The following WDR47 variants were observed in gnomAD, a reference collection of about 807,000 sequenced individuals.
WDR47 encodes the protein WD repeat domain 47.
WDR47 carries 32 observed loss-of-function variants against 97.2 expected under a neutral mutation model. That is an observed-to-expected ratio of 0.33 (90% CI 0.25 to 0.44). WDR47 has a LOEUF of 0.44. Ranked by LOEUF, WDR47 falls within the 20% of genes least tolerant of loss-of-function variation. The probability of loss-of-function intolerance (pLI) is 1.00; values close to 1 mark genes in which losing one functional copy is unlikely to be tolerated. For missense variants in WDR47, 782 were observed against 1,102.3 expected (o/e 0.71, Z 4.11); for synonymous variants, 375 against 373.5 (o/e 1.00, Z -0.05).
At chr1:109,027,093 G>A (rs1263378174) in intron 1 of WDR47, among the ~76,000 whole-genome samples, 1 of 151,570 alleles carries the variant, frequency 6.6e-6, no homozygotes, top group Non-Finnish European at 1.5e-5. Flanking sequence ...GTCTCCCTCT[G>A]TTGCCCGGGC....
rs918605503 is a variant in WDR47 at position 109,017,749 on chromosome 1, A to G, written c.159-148T>C. ...TTGATTCCTCAAATAAATTTTTCAT[A>G]ATTTTTTTTTTTTTTGAGACAGAGT... On this transcript the variant is annotated intron_variant, in intron 2 of 14. Coordinates refer to ENST00000369962, the MANE Select transcript of WDR47 (RefSeq NM_001142551.2). 1.2e-4 allele frequency: 67 copies of G among 556,454 alleles called. 1 individual carries two copies. In the South Asian group the frequency reaches 1.5e-3, roughly 12 times the overall value. 34.5% of individuals were successfully genotyped at this position (556,454 alleles called of 1,614,324 possible). A position where few individuals can be genotyped will look rare whatever the true frequency, so the allele number is the denominator to read the frequency against.
chr1:109,000,183 C>T (rs181977010), intron 7 of WDR47, among the ~76,000 whole-genome samples: 1 of 152,006 alleles, frequency 6.6e-6, no homozygotes, highest in Non-Finnish European at 1.5e-5. Context: ...TGCACTCCAG[C>T]CTAACATGAC....
intron 7 of WDR47, among the ~76,000 whole-genome samples, chr1:108,997,623 G>A (rs1327614602): frequency 2.6e-5 from 4 of 151,652 alleles, no homozygotes; most frequent in African/African-American, 9.7e-5. Flanking sequence ...AGCCAGGCGT[G>A]GTGGTGGGCG....
chr1:109,019,331 C>G lies in WDR47; in HGVS notation c.159-1730G>C, dbSNP rs753698929. Among the ~76,000 whole-genome samples, 4 of 146,414 alleles carry G rather than the reference C, an allele frequency of 2.7e-5. No homozygotes were observed. In the East Asian group the frequency reaches 8.0e-4, roughly 29 times the overall value. On this transcript the variant is annotated intron_variant, in intron 2 of 14. Transcript: ENST00000369962. ...ACCTACAAGGCACGTTACAGTGAGC[C>G]GAAGTCACGCCACTGCAGTCCAGCC...
intron 4 of WDR47, among the ~76,000 whole-genome samples, chr1:109,012,572 C>CAAAAAAAAAAAAAA (rs57237933): frequency 9.6e-4 from 71 of 73,828 alleles, no homozygotes; most frequent in African/African-American, 2.0e-3. Context: ...GACTCCATCT[C>CAAAAAAAAAAAAAA]AAAAAAAAAA....
chr1:109,035,403 C>A (rs1344347771), intron 1 of WDR47, among the ~76,000 whole-genome samples: 1 of 152,002 alleles, frequency 6.6e-6, no homozygotes, highest in Non-Finnish European at 1.5e-5. Flanking sequence ...TTATTTTTTA[C>A]TCTTTGCAGT....
At chr1:109,038,228 T>A (rs2102065084) in intron 1 of WDR47, among the ~76,000 whole-genome samples, 1 of 152,312 alleles carries the variant, frequency 6.6e-6, no homozygotes, top group East Asian at 1.9e-4. Context: ...TGGTGCTCAA[T>A]AAATGTAAAT....
chr1:108,978,396 G>A (rs1031480367), intron 13 of WDR47, among the ~76,000 whole-genome samples: 14 of 151,572 alleles, frequency 9.2e-5, no homozygotes, highest in Non-Finnish European at 1.3e-4. Flanking sequence ...GGAGAATGGC[G>A]TGAACCCGGG....
chr1:108,989,830 G>T (rs533339113), intron 9 of WDR47, among the ~76,000 whole-genome samples: 123 of 151,760 alleles, frequency 8.1e-4, no homozygotes, highest in Non-Finnish European at 1.1e-3. Context: ...AAGTAGCTGG[G>T]ATTACAGGCA....
At chr1:109,029,354 C>T (rs1459592067) in intron 1 of WDR47, among the ~76,000 whole-genome samples, 5 of 151,622 alleles carry the variant, frequency 3.3e-5, no homozygotes, top group Admixed American at 3.3e-4. Flanking sequence ...GAAACCCCGT[C>T]TCTACTAAAA....
At chr1:108,995,868 A>T (rs768232141) in intron 7 of WDR47, 31 bp from the exon 8 acceptor site, 21 of 1,598,032 alleles carry the variant, frequency 1.3e-5, no homozygotes, top group Non-Finnish European at 1.8e-5. Flanking sequence ...ATCATTTTAA[A>T]ATAAAAACTT....
intron 5 of WDR47, among the ~76,000 whole-genome samples, chr1:109,010,572 T>G (rs1660963333): frequency 6.9e-6 from 1 of 145,966 alleles, no homozygotes; most frequent in Non-Finnish European, 1.5e-5. Context: ...TTCTGAAGAT[T>G]TCCTAATTTT....
At chr1:109,019,654 G>A (rs1233044784) in intron 2 of WDR47, among the ~76,000 whole-genome samples, 1 of 152,172 alleles carries the variant, frequency 6.6e-6, no homozygotes, top group Non-Finnish European at 1.5e-5. Flanking sequence ...ATCTGGCCCA[G>A]ATGCTAGCAG....
chr1:109,030,092 T>C lies in WDR47; in HGVS notation c.-9-6571A>G. ...TGCCTCTCGCAAAAGATCTCCTTCA[T>C]CCCTCCCCAGAAGAAGAGAAGAAGA... On this transcript the variant is annotated intron_variant, in intron 1 of 14. Coordinates refer to ENST00000369962, the MANE Select transcript of WDR47 (RefSeq NM_001142551.2). The C allele has an allele frequency of 3.4e-6, 3 of 890,088 alleles. No homozygotes were observed. The Admixed American group carries it at 7.7e-5, about 23-fold the overall frequency. The allele number at this position is 890,088 out of a possible 1,614,324, so 55.1% of individuals were successfully genotyped here.
intron 1 of WDR47, among the ~76,000 whole-genome samples, chr1:109,040,030 C>T (rs897041003): frequency 1.5e-5 from 2 of 132,876 alleles, no homozygotes; most frequent in East Asian, 2.1e-4. Context: ...AGTGAGACTC[C>T]GTCTCAAAAA....
intron 6 of WDR47, among the ~76,000 whole-genome samples, chr1:109,003,677 G>A (rs1660373982): frequency 6.6e-6 from 1 of 151,992 alleles, no homozygotes; most frequent in Admixed American, 6.6e-5. Flanking sequence ...CTGATTTTTT[G>A]TATTTTTAGT....
Position 108,983,271 on chromosome 1 carries a change from T to C in WDR47, c.2095+11A>G. 6 of 1,598,874 alleles carry C rather than the reference T, an allele frequency of 3.8e-6. No homozygotes were observed. Among genetic ancestry groups the C allele is most frequent in the Non-Finnish European group, 5.1e-6 (6 of 1,172,670 alleles). On this transcript the variant is annotated intron_variant, in intron 11 of 14. Transcript: ENST00000369962. Reference sequence around the variant, plus strand: ...GGTAAGCTAGCTACTGCTTACATACTTGGGCCCTACCTGTTGCGTTACAAG... The same window carrying C: ...GGTAAGCTAGCTACTGCTTACATACCTGGGCCCTACCTGTTGCGTTACAAG...
rs557903444 is a variant in WDR47, at chr1:109,007,211, A to C, written c.1131-2496T>G. Reference sequence around the variant, plus strand: ...CATGCCCAGCCTGAAATACATTTTAAATGTATACTCAAAAAAAAAAAAAAA... The same window carrying C: ...CATGCCCAGCCTGAAATACATTTTACATGTATACTCAAAAAAAAAAAAAAA... On this transcript the variant is annotated intron_variant, in intron 5 of 14. Coordinates refer to ENST00000369962, the MANE Select transcript of WDR47 (RefSeq NM_001142551.2). Among the ~76,000 whole-genome samples, 9 of 150,846 alleles carry C rather than the reference A, an allele frequency of 6.0e-5. No homozygotes were observed. In the South Asian group the frequency reaches 1.7e-3, roughly 28 times the overall value.
At chr1:109,010,807 C>A in intron 5 of WDR47, 109 bp downstream of exon 5, 1 of 1,074,364 alleles carries the variant, frequency 9.3e-7, no homozygotes, top group Non-Finnish European at 1.4e-6. Flanking sequence ...TGGTCTCAAT[C>A]TCCTGACCTT....
Sources: gnomAD v4.1 joint callset for allele counts (sites outside exome capture counted in the v4.1 genomes callset) on GRCh38, gnomAD v4.1.1 for gene constraint, MANE v1.5 for transcripts, NCBI Gene and HGNC (gene_info 2026-07-23, HGNC 2026-07-21) for gene names.